ZNRF1: variants seen among roughly 807,000 people sequenced by gnomAD.
The protein encoded by ZNRF1 is zinc and ring finger 1.
In ZNRF1, 3 loss-of-function variants were observed where a neutral mutation model predicts 18.4. That is an observed-to-expected ratio of 0.16 (90% CI 0.07 to 0.42). The LOEUF (loss-of-function observed/expected upper bound fraction) is 0.42. Ranked by LOEUF, ZNRF1 falls within the 10% of genes least tolerant of loss-of-function variation. The pLI is 0.99. For synonymous variants in ZNRF1, 157 were observed against 144.2 expected, an observed-to-expected ratio of 1.09 and a Z score of -0.64; for missense variants, 310 against 329.8, an observed-to-expected ratio of 0.94 and a Z score of 0.47.
intron 1 of ZNRF1, among the ~76,000 whole-genome samples, chr16:75,007,257 G>A (rs1375912405): frequency 6.6e-6 from 1 of 151,660 alleles, no homozygotes; most frequent in Non-Finnish European, 1.5e-5. Flanking sequence ...GTCTCCATTT[G>A]TTGCCCAGGC....
At chr16:75,087,826 T>C (rs954877864) in intron 1 of ZNRF1, among the ~76,000 whole-genome samples, 3 of 152,216 alleles carry the variant, frequency 2.0e-5, no homozygotes, top group Admixed American at 6.5e-5. Context: ...GACATCTCCC[T>C]TCACTGACAG....
intron 1 of ZNRF1, among the ~76,000 whole-genome samples, chr16:75,047,765 A>G (rs2035535396): frequency 6.6e-6 from 1 of 152,068 alleles, no homozygotes; most frequent in African/African-American, 2.4e-5. Context: ...GGGCTGCTGT[A>G]CTACCAACTG....
chr16:75,035,445 C>T (rs753796595), intron 1 of ZNRF1, among the ~76,000 whole-genome samples: 9 of 152,194 alleles, frequency 5.9e-5, no homozygotes, highest in Non-Finnish European at 1.3e-4. Flanking sequence ...TGTTGCCACC[C>T]GCAAATCCGA....
At chr16:75,067,953 A>T (rs974095885) in intron 1 of ZNRF1, among the ~76,000 whole-genome samples, 2 of 152,192 alleles carry the variant, frequency 1.3e-5, no homozygotes, top group Non-Finnish European at 2.9e-5. Context: ...AGGTGAAGCT[A>T]TTTATAATCA....
intron 1 of ZNRF1, among the ~76,000 whole-genome samples, chr16:75,039,596 A>G (rs548303149): frequency 2.6e-4 from 39 of 152,228 alleles, no homozygotes; most frequent in African/African-American, 8.4e-4. Flanking sequence ...TTTGTTAGAG[A>G]TTTGGATATA....
chr16:75,019,935 G>A (rs2035122463), intron 1 of ZNRF1, among the ~76,000 whole-genome samples: 1 of 152,064 alleles, frequency 6.6e-6, no homozygotes, highest in Non-Finnish European at 1.5e-5. Flanking sequence ...ATGTTGCCCA[G>A]GCTGGGCTCA....
intron 1 of ZNRF1, among the ~76,000 whole-genome samples, chr16:75,040,754 G>A (rs189227237): frequency 8.6e-5 from 13 of 151,354 alleles, no homozygotes; most frequent in East Asian, 3.9e-4. Flanking sequence ...TTATGGGTGC[G>A]CGCCACCATG....
intron 1 of ZNRF1, among the ~76,000 whole-genome samples, chr16:75,017,256 A>C (rs1322780385): frequency 6.6e-6 from 1 of 152,228 alleles, no homozygotes; most frequent in Non-Finnish European, 1.5e-5. Flanking sequence ...AAAAACTGTT[A>C]GGATATTTAT....
intron 1 of ZNRF1, among the ~76,000 whole-genome samples, chr16:75,086,853 C>T (rs1280431651): frequency 6.6e-6 from 1 of 152,068 alleles, no homozygotes; most frequent in East Asian, 1.9e-4. Context: ...GCTTTCTTTA[C>T]CCTGGTTGCT....
chr16:75,101,092 G>C (rs12932317), intron 2 of ZNRF1, among the ~76,000 whole-genome samples: 131,125 of 152,114 alleles, frequency 0.86, 57,199 homozygotes, highest in Non-Finnish European at 0.93. Flanking sequence ...TGCCACCATG[G>C]CAGGCTAACT....
Position 75,026,797 on chromosome 16 carries a change from G to C in ZNRF1, c.424+26702G>C, listed in dbSNP as rs146907939. Reference sequence around the variant, plus strand: ...CTAAAAATGCAAAAATTAGCCTGGCGTGGTGGTGCGTGCCTTTAATCCCAG... The same window carrying C: ...CTAAAAATGCAAAAATTAGCCTGGCCTGGTGGTGCGTGCCTTTAATCCCAG... On this transcript the variant is annotated intron_variant, in intron 1 of 4. Coordinates refer to ENST00000335325, the MANE Select transcript of ZNRF1 (RefSeq NM_032268.5). Among the ~76,000 whole-genome samples the C allele has an allele frequency of 2.6e-5, 4 of 151,886 alleles. No individual in the cohort carries two copies. In the East Asian group the frequency reaches 7.7e-4, roughly 29 times the overall value.
intron 1 of ZNRF1, among the ~76,000 whole-genome samples, chr16:75,038,707 A>T (rs2035404466): frequency 6.6e-6 from 1 of 152,226 alleles, no homozygotes; most frequent in Non-Finnish European, 1.5e-5. Context: ...GATGCTCTCC[A>T]GGAAGTCCTG....
rs149653867 is a variant in ZNRF1, at chr16:75,107,258, G to T, written c.*33-475G>T. 1,053 of 186,482 alleles carry T rather than the reference G, an allele frequency of 5.6e-3. 8 individuals carry two copies. Among genetic ancestry groups the T allele is most frequent in the African/African-American group, 0.025 (1,013 of 40,768 alleles). The allele number at this position is 186,482 out of a possible 1,614,324, so 11.6% of individuals were successfully genotyped here. On this transcript the variant is annotated intron_variant, in intron 4 of 4. Coordinates refer to ENST00000335325, the MANE Select transcript of ZNRF1 (RefSeq NM_032268.5). ...TCCACCCCTGACCCCCATCTCACCTGTCCCCTCCAAGTTCTGGGCTGGCAT... is the reference window on the plus strand; with the variant it reads ...TCCACCCCTGACCCCCATCTCACCTTTCCCCTCCAAGTTCTGGGCTGGCAT...
rs186578353 is a variant in ZNRF1, at chr16:75,085,320, C to T, written c.425-8252C>T. On this transcript the variant is annotated intron_variant, in intron 1 of 4. Coordinates refer to ENST00000335325, the MANE Select transcript of ZNRF1 (RefSeq NM_032268.5). The stretch of plus-strand genomic sequence containing the variant: ...GTGCACTTTTGTGTCCTTCACTTGG[C>T]GTGTTTTAATTCATCCATGTTGTTG... Among the ~76,000 whole-genome samples, 21 of 152,242 alleles carry T rather than the reference C, an allele frequency of 1.4e-4. No individual in the cohort carries two copies. In the East Asian group the frequency reaches 2.1e-3, roughly 15 times the overall value.
chr16:75,056,517 CTG>C (rs1355838043), intron 1 of ZNRF1, among the ~76,000 whole-genome samples: 2 of 152,170 alleles, frequency 1.3e-5, no homozygotes, highest in African/African-American at 2.4e-5. Context: ...AGAATGGAAA[CTG>C]TATGTTTGGA....
At chr16:75,001,219 T>A (rs1263007980) in intron 1 of ZNRF1, among the ~76,000 whole-genome samples, 1 of 152,168 alleles carries the variant, frequency 6.6e-6, no homozygotes, top group African/African-American at 2.4e-5. Context: ...TAATATCTGT[T>A]GGATCACTCT....
chr16:75,012,514 G>C (rs934426888), intron 1 of ZNRF1, among the ~76,000 whole-genome samples: 1 of 152,170 alleles, frequency 6.6e-6, no homozygotes, highest in Non-Finnish European at 1.5e-5. Context: ...AAGGTCGTCT[G>C]TGCTCTTCTA....
chr16:75,050,695 C>G (rs1193522435), intron 1 of ZNRF1, among the ~76,000 whole-genome samples: 1 of 150,976 alleles, frequency 6.6e-6, no homozygotes. Flanking sequence ...GGTGAAACAC[C>G]GTCTCTACTA....
At chr16:75,085,300 C>T (rs1222432057) in intron 1 of ZNRF1, among the ~76,000 whole-genome samples, 2 of 152,146 alleles carry the variant, frequency 1.3e-5, no homozygotes, top group Non-Finnish European at 2.9e-5. Flanking sequence ...CATGTGTGCA[C>T]TTTTGTGTCC....
Sources: gnomAD v4.1 joint callset for allele counts (sites outside exome capture counted in the v4.1 genomes callset) on GRCh38, gnomAD v4.1.1 for gene constraint, MANE v1.5 for transcripts, NCBI Gene and HGNC (gene_info 2026-07-23, HGNC 2026-07-21) for gene names.